The following TNKS variants were observed in gnomAD, a reference collection of about 807,000 sequenced individuals.
TNKS encodes the protein tankyrase, also known as poly [ADP-ribose] polymerase tankyrase-1.
Under a neutral mutation model 135.8 loss-of-function variants are expected in TNKS, and 72 were observed. The observed-to-expected ratio is 0.53, with a 90% CI of 0.44 to 0.64. The LOEUF (loss-of-function observed/expected upper bound fraction) is 0.64, where lower values mean the gene tolerates loss of function less well. Among genes scored for constraint, TNKS ranks in the 30% least tolerant of loss-of-function variants. The pLI, the probability that TNKS is intolerant of heterozygous loss-of-function variation, is 0.00. For missense variants in TNKS, 1,769 were observed against 1,674.0 expected (o/e 1.06, Z -0.99); for synonymous variants, 849 against 649.3 (o/e 1.31, Z -4.68).
chr8:9,741,754 T>C, intron 17 of TNKS: 1 of 521,828 alleles, frequency 1.9e-6, no homozygotes, highest in Non-Finnish European at 4.0e-6. Context: ...TCAAGCGTAA[T>C]GTAGAGTACT....
chr8:9,763,922 T>A (rs1309853899), intron 22 of TNKS, among the ~76,000 whole-genome samples: 1 of 152,178 alleles, frequency 6.6e-6, no homozygotes, highest in African/African-American at 2.4e-5. Context: ...CTCATTTTAT[T>A]TTCATTCCCA....
At chr8:9,759,997 A>C (rs566565032) in intron 20 of TNKS, among the ~76,000 whole-genome samples, 390 of 152,188 alleles carry the variant, frequency 2.6e-3, no homozygotes, top group Middle Eastern at 0.02. Context: ...CAAAACAAAA[A>C]AAAAAAAAGT....
chr8:9,571,659 G>A (rs1239127076), intron 1 of TNKS, among the ~76,000 whole-genome samples: 2 of 152,032 alleles, frequency 1.3e-5, no homozygotes, highest in African/African-American at 2.4e-5. Context: ...GGGTTTCACC[G>A]TGTTAGCTGG....
At chr8:9,763,277 TC>T in intron 22 of TNKS, 33 bp downstream of exon 22, 1 of 1,443,068 alleles carries the variant, frequency 6.9e-7, no homozygotes. Flanking sequence ...CATTTGCTTT[TC>T]TTGAAATCTG....
Position 9,752,589 on chromosome 8 carries a change from G to A in TNKS, c.3116G>A (p.Gly1039Asp), listed in dbSNP as rs959945823. 7 of 1,613,114 alleles carry A rather than the reference G, an allele frequency of 4.3e-6. No individual in the cohort carries two copies. The highest frequency in any genetic ancestry group is 5.1e-6 in the Non-Finnish European group (6 of 1,179,546). The change falls in exon 20 of 27, where the codon GGC becomes GAC. Residue 1039 changes from glycine (G) to aspartate (D), a missense_variant. This residue lies in a region of TNKS where 722 missense variants were observed against 688.9 expected (regional missense o/e 1.05). Transcript: ENST00000310430. ...MNISQFLKSL[G>D]LEHLRDIFET... ...ATCAGCCAATTTCTAAAAAGCCTTG[G>A]CCTTGAACACCTTCGGGATATCTTT...
At chr8:9,707,580 G>T (rs1273252103) in intron 8 of TNKS, among the ~76,000 whole-genome samples, 2 of 152,076 alleles carry the variant, frequency 1.3e-5, no homozygotes, top group African/African-American at 4.8e-5. Flanking sequence ...AAATAATTAG[G>T]TTGAGGTCAT....
Position 9,765,685 on chromosome 8 carries a change from C to G in TNKS, c.3448-7C>G. The G allele has an allele frequency of 6.2e-7, 1 of 1,609,690 alleles. No individual in the cohort carries two copies. The highest frequency in any genetic ancestry group is 8.5e-7 in the Non-Finnish European group (1 of 1,176,402). On this transcript the variant is annotated splice_polypyrimidine_tract_variant and splice_region_variant and intron_variant, in intron 23 of 26. Coordinates refer to ENST00000310430, the MANE Select transcript of TNKS (RefSeq NM_003747.3). ...CGATAATGTTTCTTTCTTCTTCATC[C>G]TTAAAGATTCAAAAAGTTGTCAACA...
At chr8:9,654,584 A>G (rs565102691) in intron 3 of TNKS, among the ~76,000 whole-genome samples, 1 of 152,328 alleles carries the variant, frequency 6.6e-6, no homozygotes, top group Non-Finnish European at 1.5e-5. Context: ...TTCATCATAT[A>G]TTGTTCAAAC....
chr8:9,572,343 G>T (rs568645109), intron 1 of TNKS, among the ~76,000 whole-genome samples: 1 of 152,192 alleles, frequency 6.6e-6, no homozygotes, highest in Admixed American at 6.5e-5. Context: ...AAAGACTATG[G>T]CCTTTGTTGT....
chr8:9,562,035 A>C (rs1476645756), intron 1 of TNKS, among the ~76,000 whole-genome samples: 1 of 151,956 alleles, frequency 6.6e-6, no homozygotes, highest in Non-Finnish European at 1.5e-5. Flanking sequence ...CAGGCTGGTC[A>C]CGAACTCCTG....
At chr8:9,602,970 A>T (rs1198512387) in intron 2 of TNKS, among the ~76,000 whole-genome samples, 1 of 152,218 alleles carries the variant, frequency 6.6e-6, no homozygotes, top group African/African-American at 2.4e-5. Flanking sequence ...TGTAGTTGAG[A>T]AACTAGGTTT....
intron 5 of TNKS, among the ~76,000 whole-genome samples, chr8:9,688,034 G>A (rs144340321): frequency 1.0e-3 from 156 of 152,328 alleles, no homozygotes; most frequent in African/African-American, 3.7e-3. Flanking sequence ...ACACAAGACA[G>A]CTTCTGTGGT....
At chr8:9,676,682 CTCTCTG>C (rs981559591) in intron 3 of TNKS, among the ~76,000 whole-genome samples, 2 of 75,920 alleles carry the variant, frequency 2.6e-5, no homozygotes, top group African/African-American at 1.1e-4. Flanking sequence ...CCCTCTCTCT[CTCTCTG>C]TGTGTGTGTG....
At position 9,776,710 on chromosome 8, in the gene TNKS, G is replaced by T. The variant is rs376965971; in HGVS notation, c.3958G>T (p.Ala1320Ser). 1.9e-6 allele frequency: 3 copies of T among 1,613,892 alleles called. No homozygotes were observed. Among genetic ancestry groups the T allele is most frequent in the Non-Finnish European group, 2.5e-6 (3 of 1,179,896 alleles). The change falls in exon 27 of 27, where the codon GCA (alanine) becomes TCA (serine). Residue 1320 changes from alanine (A) to serine (S), a missense_variant. Transcript: ENST00000310430. ...IMKPEAPSQT[A>S]TAAEQKT ...GAAGCCAGAAGCCCCTTCCCAGACC[G>T]CAACAGCCGCAGAGCAGAAGACCTA... is the stretch of plus-strand genomic sequence containing the variant.
At chr8:9,683,881 T>C (rs1802880661) in intron 5 of TNKS, among the ~76,000 whole-genome samples, 1 of 151,990 alleles carries the variant, frequency 6.6e-6, no homozygotes, top group African/African-American at 2.4e-5. Flanking sequence ...ACAGTTTATA[T>C]TGTTACTATG....
chr8:9,664,762 A>G (rs1712296714), intron 3 of TNKS, among the ~76,000 whole-genome samples: 1 of 152,222 alleles, frequency 6.6e-6, no homozygotes, highest in South Asian at 2.1e-4. Context: ...AATTTTATAT[A>G]ATTAACAAGT....
chr8:9,643,072 T>A (rs1800779936), intron 3 of TNKS, among the ~76,000 whole-genome samples: 1 of 146,090 alleles, frequency 6.8e-6, no homozygotes, highest in Non-Finnish European at 1.5e-5. Flanking sequence ...GTTGCCCGTG[T>A]TTTTCACTCA....
At chr8:9,678,096 G>C (rs1025769982) in intron 3 of TNKS, among the ~76,000 whole-genome samples, 1 of 152,120 alleles carries the variant, frequency 6.6e-6, no homozygotes, top group African/African-American at 2.4e-5. Context: ...TCCTTTAATA[G>C]AATAATATTC....
At chr8:9,591,669 G>A (rs991022489) in intron 2 of TNKS, among the ~76,000 whole-genome samples, 2 of 152,130 alleles carry the variant, frequency 1.3e-5, no homozygotes, top group Admixed American at 1.3e-4. Context: ...GTCTTAGTTG[G>A]ATGTGTGTAT....
Sources: gnomAD v4.1 joint callset for allele counts (sites outside exome capture counted in the v4.1 genomes callset) on GRCh38, gnomAD v4.1.1 for gene constraint, gnomAD v4.1.1 regional missense constraint, MANE v1.5 for transcripts, NCBI Gene and HGNC (gene_info 2026-07-23, HGNC 2026-07-21) for gene names.